The following MARCHF1 variants were observed in gnomAD, a reference collection of about 807,000 sequenced individuals.
The protein encoded by MARCHF1 is E3 ubiquitin-protein ligase MARCHF1.
A neutral mutation model predicts 54.2 loss-of-function variants in MARCHF1; 40 were observed. The ratio of observed to expected loss-of-function variants is 0.74; its 90% CI spans 0.57 to 0.96. MARCHF1 has a LOEUF of 0.96. Ranked by LOEUF, MARCHF1 falls within the 40% of genes least tolerant of loss-of-function variation. MARCHF1 has a pLI of 0.00. For missense variants in MARCHF1, 586 were observed against 656.5 expected (o/e 0.89, Z 1.17); for synonymous variants, 236 against 236.3 (o/e 1.00, Z 0.01).
chr4:164,208,990 C>A lies in MARCHF1; in HGVS notation c.-322-97328G>T, dbSNP rs183122725. Among the ~76,000 whole-genome samples the A allele has an allele frequency of 1.9e-3, 292 of 150,692 alleles. 5 individuals are homozygous for A. The highest frequency in any genetic ancestry group is 0.013 in the Admixed American group (197 of 15,090). ...TCTCTCTCTCTCTCACTTTCTCTCT[C>A]TATATATAATATATATACACACATA... is the stretch of plus-strand genomic sequence containing the variant. On this transcript the variant is annotated intron_variant, in intron 1 of 9. Coordinates refer to ENST00000514618, the MANE Select transcript of MARCHF1 (RefSeq NM_001394959.1).
chr4:163,832,836 G>A lies in MARCHF1; in HGVS notation c.111+21185C>T, dbSNP rs181087202. On this transcript the variant is annotated intron_variant, in intron 4 of 9. Transcript: ENST00000514618. ...TTCCCACCTACGAGTGAGAACATGC[G>A]GTGTTTGGTTTTTTTGTCCTTGCGA... Among the ~76,000 whole-genome samples the A allele has an allele frequency of 1.1e-3, 63 of 58,864 alleles. 2 individuals are homozygous for A. In the South Asian group the frequency reaches 0.031, roughly 29 times the overall value. 38.6% of individuals were successfully genotyped at this position (58,864 alleles called of 152,430 possible). A position where few individuals can be genotyped will look rare whatever the true frequency, so the allele number is the denominator to read the frequency against.
chr4:164,282,659 A>T (rs1734054202), intron 1 of MARCHF1, among the ~76,000 whole-genome samples: 1 of 151,176 alleles, frequency 6.6e-6, no homozygotes, highest in Non-Finnish European at 1.5e-5. Flanking sequence ...TTCCAGGTGG[A>T]AGGAACACAA....
intron 5 of MARCHF1, among the ~76,000 whole-genome samples, chr4:163,614,723 A>G (rs867658594): frequency 4.6e-5 from 7 of 152,134 alleles, no homozygotes; most frequent in Admixed American, 2.6e-4. Flanking sequence ...TTTACCTTTT[A>G]TGGTAAAAGG....
chr4:164,122,661 C>A (rs1270899958), intron 1 of MARCHF1, among the ~76,000 whole-genome samples: 1 of 152,126 alleles, frequency 6.6e-6, no homozygotes, highest in Non-Finnish European at 1.5e-5. Flanking sequence ...CTCTCTCTCT[C>A]TAGAGAGAGC....
chr4:164,193,386 G>A (rs1268910744), intron 1 of MARCHF1, among the ~76,000 whole-genome samples: 1 of 151,902 alleles, frequency 6.6e-6, no homozygotes, highest in Non-Finnish European at 1.5e-5. Flanking sequence ...CCGAGAAGTT[G>A]ATTTGCGAGC....
At chr4:164,161,771 C>T (rs1028716130) in intron 1 of MARCHF1, among the ~76,000 whole-genome samples, 1 of 152,106 alleles carries the variant, frequency 6.6e-6, no homozygotes, top group African/African-American at 2.4e-5. Flanking sequence ...ACTGTCTAAA[C>T]ATACTGTAAA....
intron 4 of MARCHF1, among the ~76,000 whole-genome samples, chr4:163,818,340 T>G (rs766917393): frequency 1.3e-5 from 2 of 152,024 alleles, no homozygotes; most frequent in Non-Finnish European, 2.9e-5. Context: ...CCATGGTGGT[T>G]TGCTGCACCT....
intron 1 of MARCHF1, among the ~76,000 whole-genome samples, chr4:164,113,420 A>G (rs1434483261): frequency 6.6e-6 from 1 of 151,964 alleles, no homozygotes; most frequent in Non-Finnish European, 1.5e-5. Context: ...TTTGTGTCAT[A>G]TGGCATGAAA....
intron 1 of MARCHF1, among the ~76,000 whole-genome samples, chr4:164,348,768 T>C (rs1730191358): frequency 2.0e-5 from 3 of 152,244 alleles, no homozygotes; most frequent in Admixed American, 2.0e-4. Flanking sequence ...TCTTCAGTCA[T>C]TAAGTGACCA....
At chr4:163,856,869 G>A (rs1241623196) in intron 3 of MARCHF1, among the ~76,000 whole-genome samples, 1 of 152,012 alleles carries the variant, frequency 6.6e-6, no homozygotes, top group South Asian at 2.1e-4. Flanking sequence ...AAAATTAGCC[G>A]GGCGTGGTGG....
intron 5 of MARCHF1, among the ~76,000 whole-genome samples, chr4:163,662,146 C>T (rs916519345): frequency 6.6e-6 from 1 of 151,884 alleles, no homozygotes; most frequent in Non-Finnish European, 1.5e-5. Context: ...CACAGTTGGT[C>T]CATGATATCT....
At chr4:163,706,202 T>C (rs566725248) in intron 4 of MARCHF1, among the ~76,000 whole-genome samples, 1 of 152,028 alleles carries the variant, frequency 6.6e-6, no homozygotes, top group Non-Finnish European at 1.5e-5. Context: ...TCCCATATAA[T>C]TTCTTACATG....
chr4:163,656,121 GT>G lies in MARCHF1; in HGVS notation c.163-42729del, dbSNP rs34737010. ...CAAAAAACCAATGAATCCAGGAGCT[GT>G]TTTTTTTTTGAAAAAAATAATAAAA... is the stretch of plus-strand genomic sequence containing the variant. On this transcript the variant is annotated intron_variant, in intron 5 of 9. Coordinates refer to ENST00000514618, the MANE Select transcript of MARCHF1 (RefSeq NM_001394959.1). Among the ~76,000 whole-genome samples the G allele has an allele frequency of 2.3e-3, 333 of 145,804 alleles. 5 individuals are homozygous for G. In the East Asian group the frequency reaches 0.048, roughly 21 times the overall value.
chr4:164,139,495 A>G (rs948157042), intron 1 of MARCHF1, among the ~76,000 whole-genome samples: 174 of 136,076 alleles, frequency 1.3e-3, no homozygotes, highest in African/African-American at 6.0e-3. Context: ...CTAAAGTCAA[A>G]AAAAAAAAAA....
chr4:164,124,745 C>T (rs1199935882), intron 1 of MARCHF1, among the ~76,000 whole-genome samples: 1 of 151,842 alleles, frequency 6.6e-6, no homozygotes, highest in Non-Finnish European at 1.5e-5. Flanking sequence ...AACCCATGGA[C>T]ACAGAGAGTA....
At chr4:164,286,006 A>G (rs1184423556) in intron 1 of MARCHF1, among the ~76,000 whole-genome samples, 1 of 152,148 alleles carries the variant, frequency 6.6e-6, no homozygotes, top group Admixed American at 6.5e-5. Context: ...GTAAGCACAT[A>G]GGTAAAATAA....
chr4:163,603,149 A>G (rs1015877097), intron 7 of MARCHF1, among the ~76,000 whole-genome samples: 1 of 138,812 alleles, frequency 7.2e-6, no homozygotes, highest in Non-Finnish European at 1.6e-5. Flanking sequence ...TGAAAGATTA[A>G]GGTAAAGGGA....
At chr4:163,537,691 G>A (rs533872522) in intron 9 of MARCHF1, among the ~76,000 whole-genome samples, 70 of 152,254 alleles carry the variant, frequency 4.6e-4, no homozygotes, top group African/African-American at 1.5e-3. Flanking sequence ...TTCTTGGACA[G>A]CAATTAAAAG....
At position 163,564,536 on chromosome 4, in the gene MARCHF1, T is replaced by C. The variant is rs552857368; in HGVS notation, c.1192-18793A>G. Among the ~76,000 whole-genome samples, 436 of 152,336 alleles carry C rather than the reference T, an allele frequency of 2.9e-3. 1 individual carries two copies. The highest frequency in any genetic ancestry group is 4.5e-3 in the Non-Finnish European group (303 of 68,028). ...TCTTTAGGAATCATGAAATGAAATG[T>C]GGCTACCTTTTATGTAATCAGTTTC... On this transcript the variant is annotated intron_variant, in intron 8 of 9. Transcript: ENST00000514618.
Sources: allele counts gnomAD v4.1 joint callset (sites outside exome capture counted in the v4.1 genomes callset), GRCh38; gene constraint gnomAD v4.1.1; transcripts MANE v1.5; gene names NCBI Gene and HGNC (gene_info 2026-07-23, HGNC 2026-07-21).